DNAAF1: variants seen among roughly 807,000 people sequenced by gnomAD.
DNAAF1 encodes the protein dynein axonemal assembly factor 1.
DNAAF1 carries 65 observed loss-of-function variants against 71.1 expected under a neutral mutation model. That is an observed-to-expected ratio of 0.91 (90% confidence interval 0.75 to 1.12). The LOEUF is 1.12. Ranked by LOEUF, DNAAF1 falls within the 50% of genes most tolerant of loss-of-function variation. The pLI is 0.00. For synonymous variants in DNAAF1, 414 were observed against 354.6 expected (o/e 1.17, Z -1.88); for missense variants, 1,178 against 899.8 (o/e 1.31, Z -3.96).
chr16:84,168,716 A>C (rs1342118228), intron 7 of DNAAF1, among the ~76,000 whole-genome samples: 1 of 152,090 alleles, frequency 6.6e-6, no homozygotes, highest in Non-Finnish European at 1.5e-5. Context: ...TTTTGTTTTG[A>C]AATGTTAAAA....
intron 8 of DNAAF1, 56 bp from the exon 9 acceptor site, chr16:84,172,204 C>G (rs969629059): frequency 1.3e-6 from 2 of 1,537,356 alleles, no homozygotes; most frequent in Non-Finnish European, 1.8e-6. Flanking sequence ...ACCGTAGGCT[C>G]GTCCATCTGC....
intron 6 of DNAAF1, among the ~76,000 whole-genome samples, chr16:84,160,562 A>G (rs1283045674): frequency 2.0e-5 from 3 of 152,238 alleles, no homozygotes; most frequent in Non-Finnish European, 2.9e-5. Flanking sequence ...AAATAAATGT[A>G]GCTTGTAATG....
Position 84,149,057 on chromosome 16 carries a change from C to T in DNAAF1, c.175C>T (p.His59Tyr), listed in dbSNP as rs763000403. 2 of 1,614,064 alleles carry T rather than the reference C, an allele frequency of 1.2e-6. No homozygotes were observed. The highest frequency in any genetic ancestry group is 1.7e-5 in the Admixed American group (1 of 59,998). Residue 59 changes from histidine to tyrosine, a missense_variant, in exon 2 of 12, where the codon CAC becomes TAC. By Grantham distance (83) the His-to-Tyr change is moderately conservative (BLOSUM62 2). Transcript: ENST00000378553. Reference protein sequence around the residue: ...ICVGSSDTSYHSQQKQSGDNG... With the variant: ...ICVGSSDTSYYSQQKQSGDNG... Reference sequence around the variant, plus strand: ...TGTGGGTTCTTCTGACACATCCTACCACAGCCAGCAGAAACAGAGTGGTGA... The same window carrying T: ...TGTGGGTTCTTCTGACACATCCTACTACAGCCAGCAGAAACAGAGTGGTGA...
chr16:84,151,446 G>C (rs144841655), intron 3 of DNAAF1, among the ~76,000 whole-genome samples: 265 of 152,284 alleles, frequency 1.7e-3, no homozygotes, highest in African/African-American at 5.9e-3. Flanking sequence ...CAGCATCTAA[G>C]CATAGCAGTG....
At chr16:84,162,596 A>G (rs11149629) in intron 6 of DNAAF1, among the ~76,000 whole-genome samples, 76,213 of 151,550 alleles carry the variant, frequency 0.5, 19,213 homozygotes, top group South Asian at 0.58. Context: ...GGGGGCGGGC[A>G]GATCACCAGG....
intron 2 of DNAAF1, among the ~76,000 whole-genome samples, 189 bp from the exon 3 acceptor site, chr16:84,150,062 C>G (rs559638484): frequency 6.8e-4 from 102 of 150,424 alleles, no homozygotes; most frequent in African/African-American, 2.5e-3. Context: ...CGATGAGGCC[C>G]TAAAATCTGT....
In DNAAF1 at chr16:84,148,596, C is replaced by CTT. The variant is rs765676142; in HGVS notation, c.125-394_125-393dup. ...AAAGATTACTGTTCTCTCTCTCTCT[C>CTT]TTTTTTTTTTTTTTTTTTGGTGAGA... On this transcript the variant is annotated intron_variant, in intron 1 of 11. Transcript: ENST00000378553. 7.2e-3 allele frequency among the ~76,000 whole-genome samples: 314 copies of CTT among 43,566 alleles called. 54 individuals carry two copies. The highest frequency in any genetic ancestry group is 0.024 in the African/African-American group (260 of 10,854). The allele number at this position is 43,566 out of a possible 152,430, so 28.6% of individuals were successfully genotyped here.
chr16:84,170,474 T>C, intron 8 of DNAAF1, 118 bp downstream of exon 8: 1 of 1,484,874 alleles, frequency 6.7e-7, no homozygotes, highest in Admixed American at 1.9e-5. Context: ...TTGCTGTTTC[T>C]AGAAGATAAT....
At chr16:84,168,051 C>T (rs939398845) in intron 7 of DNAAF1, among the ~76,000 whole-genome samples, 7 of 152,118 alleles carry the variant, frequency 4.6e-5, no homozygotes, top group African/African-American at 1.7e-4. Context: ...CTGTTTTACC[C>T]TATTGCAGTT....
At chr16:84,160,446 AC>A (rs2087646567) in intron 6 of DNAAF1, among the ~76,000 whole-genome samples, 1 of 152,190 alleles carries the variant, frequency 6.6e-6, no homozygotes, top group African/African-American at 2.4e-5. Flanking sequence ...TTTTTAACTT[AC>A]TTTTAAATTT....
At chr16:84,160,032 A>G (rs563082235) in intron 6 of DNAAF1, among the ~76,000 whole-genome samples, 3 of 152,276 alleles carry the variant, frequency 2.0e-5, no homozygotes, top group Non-Finnish European at 4.4e-5. Context: ...TTTGCTGATG[A>G]GTTCCTTGGA....
chr16:84,155,697 A>G lies in DNAAF1; in HGVS notation c.689A>G (p.Asn230Ser). ...CTTTGTGTCCTTGACCTTTCGCACAACAAGCTGAGTGACCCGGAGATCCTG... is the reference window on the plus strand; with the variant it reads ...CTTTGTGTCCTTGACCTTTCGCACAGCAAGCTGAGTGACCCGGAGATCCTG... ...LRLCVLDLSH[N>S]KLSDPEILSI... Residue 230 changes from asparagine to serine, a missense_variant, in exon 5 of 12, where the codon AAC (asparagine) becomes AGC (serine). Transcript: ENST00000378553. The G allele has an allele frequency of 1.9e-6, 3 of 1,614,174 alleles. No homozygotes were observed. Among genetic ancestry groups the G allele is most frequent in the Non-Finnish European group, 2.5e-6 (3 of 1,180,030 alleles).
intron 10 of DNAAF1, chr16:84,175,676 A>G: frequency 1.9e-6 from 1 of 517,382 alleles, no homozygotes; most frequent in Non-Finnish European, 3.5e-6. Flanking sequence ...GCGCCCTCTC[A>G]GGTACCAGGA....
rs1229576828 is a variant in DNAAF1, at chr16:84,163,344, G to A, written c.864-2439G>A. ...TTTCCCGTATCCTCACCAACACTTC[G>A]GGTTGCCTGTCTTTTTTTTCCTCTC... On this transcript the variant is annotated intron_variant, in intron 6 of 11. Coordinates refer to ENST00000378553, the MANE Select transcript of DNAAF1 (RefSeq NM_178452.6). Among the ~76,000 whole-genome samples, 3 of 150,476 alleles carry A rather than the reference G, an allele frequency of 2.0e-5. No homozygotes were observed. The East Asian group carries it at 5.9e-4, about 29-fold the overall frequency.
chr16:84,172,967 A>G, intron 9 of DNAAF1: 5 of 1,001,992 alleles, frequency 5.0e-6, no homozygotes, highest in Non-Finnish European at 6.0e-6. Flanking sequence ...TAGGCCCACA[A>G]GAATGGTACC....
chr16:84,172,452 G>A, intron 9 of DNAAF1, 77 bp downstream of exon 9: 2 of 1,567,166 alleles, frequency 1.3e-6, no homozygotes, highest in Non-Finnish European at 1.7e-6. Flanking sequence ...GCAGACTTTG[G>A]AGACCCTCGA....
intron 6 of DNAAF1, among the ~76,000 whole-genome samples, chr16:84,161,606 TC>T (rs141910176): frequency 0.033 from 4,994 of 152,042 alleles, 110 homozygotes; most frequent in Middle Eastern, 0.099. Flanking sequence ...CCTCAAGTGA[TC>T]CTCCTGCGTT....
chr16:84,148,877 A>C lies in DNAAF1; in HGVS notation c.125-130A>C, dbSNP rs921113542. 17 of 1,089,620 alleles carry C rather than the reference A, an allele frequency of 1.6e-5. No individual in the cohort carries two copies. The African/African-American group carries it at 2.2e-4, about 14-fold the overall frequency. 67.5% of individuals were successfully genotyped at this position (1,089,620 alleles called of 1,614,324 possible). A position where few individuals can be genotyped will look rare whatever the true frequency, so the allele number is the denominator to read the frequency against. ...AGAGCTGGGATTACAGGCCTGAGCC[A>C]CCATACCCAGCCACTAAAGAATACT... On this transcript the variant is annotated intron_variant, in intron 1 of 11. Transcript: ENST00000378553.
intron 5 of DNAAF1, among the ~76,000 whole-genome samples, chr16:84,156,870 T>TTTTTTTTTA (rs2087461244): frequency 7.0e-6 from 1 of 142,106 alleles, no homozygotes; most frequent in African/African-American, 2.6e-5. Context: ...TTTTTTTTTT[T>TTTTTTTTTA]GAGACAGGGT....
Sources: allele counts gnomAD v4.1 joint callset (sites outside exome capture counted in the v4.1 genomes callset), GRCh38; gene constraint gnomAD v4.1.1; transcripts MANE v1.5; gene names NCBI Gene and HGNC (gene_info 2026-07-23, HGNC 2026-07-21).